DOCK5: variants seen among roughly 807,000 people sequenced by gnomAD.
DOCK5 encodes dedicator of cytokinesis protein 5.
DOCK5 carries 142 observed loss-of-function variants against 251.8 expected under a neutral mutation model. That is an observed-to-expected ratio of 0.56 (90% CI 0.49 to 0.65). DOCK5 has a LOEUF of 0.65. DOCK5 is among the 30% of genes least tolerant of loss of function. The probability of loss-of-function intolerance (pLI) is 0.00; values close to 1 mark genes in which losing one functional copy is unlikely to be tolerated. For synonymous variants in DOCK5, 842 were observed against 835.5 expected, an observed-to-expected ratio of 1.01 and a Z score of -0.13; for missense variants, 2,111 against 2,312.3, an observed-to-expected ratio of 0.91 and a Z score of 1.79.
Position 25,382,787 on chromosome 8 carries a change from C to A in DOCK5, c.4131+9C>A. On this transcript the variant is annotated intron_variant, in intron 40 of 51. Coordinates refer to ENST00000276440, the MANE Select transcript of DOCK5 (RefSeq NM_024940.8). ...TTCCTTCTTTCCTACGGGTAAGAAA[C>A]CTGATGGTGGTCTCCCAGGCCATTA... 2 of 1,601,870 alleles carry A rather than the reference C, an allele frequency of 1.2e-6. No homozygotes were observed. Among genetic ancestry groups the A allele is most frequent in the Non-Finnish European group, 1.7e-6 (2 of 1,170,942 alleles).
chr8:25,374,461 T>TA, intron 36 of DOCK5, 103 bp from the exon 37 acceptor site: 1 of 1,091,230 alleles, frequency 9.2e-7, no homozygotes, highest in East Asian at 2.4e-5. Context: ...GACCACTGCA[T>TA]ACTGCAGCCT....
intron 1 of DOCK5, among the ~76,000 whole-genome samples, chr8:25,225,084 A>C (rs537571097): frequency 3.3e-5 from 5 of 152,350 alleles, no homozygotes; most frequent in African/African-American, 1.2e-4. Context: ...AAAACAAAAA[A>C]CAAAAACCAA....
intron 1 of DOCK5, among the ~76,000 whole-genome samples, chr8:25,242,217 G>T (rs570359333): frequency 6.6e-6 from 1 of 152,176 alleles, no homozygotes; most frequent in Non-Finnish European, 1.5e-5. Context: ...AGGTTCCAGG[G>T]ATTTGATGTG....
At chr8:25,337,844 G>A (rs893252489) in intron 22 of DOCK5, among the ~76,000 whole-genome samples, 10 of 151,808 alleles carry the variant, frequency 6.6e-5, no homozygotes, top group African/African-American at 2.4e-4. Context: ...CTCGGCCTCC[G>A]AAAGTGCTGG....
chr8:25,279,371 G>C (rs2709611), intron 5 of DOCK5, among the ~76,000 whole-genome samples: 126,991 of 152,200 alleles, frequency 0.83, 53,216 homozygotes, highest in Middle Eastern at 0.89. Context: ...TTAACATGAT[G>C]AAACTGAGAA....
chr8:25,310,590 T>C lies in DOCK5; in HGVS notation c.1318+58T>C, dbSNP rs554956728. ...CCTCCTGTTCAGCGATTATTTCTTA[T>C]TGGACGGTGGAGGCAACTTGGATCC... On this transcript the variant is annotated intron_variant, in intron 13 of 51. Transcript: ENST00000276440. 1.2e-3 allele frequency: 1,846 copies of C among 1,518,732 alleles called. 43 individuals carry two copies. In the South Asian group the frequency reaches 0.023, roughly 19 times the overall value. 94.1% of individuals were successfully genotyped at this position (1,518,732 alleles called of 1,614,324 possible). A position where few individuals can be genotyped will look rare whatever the true frequency, so the allele number is the denominator to read the frequency against.
chr8:25,363,905 A>G (rs775652262), intron 29 of DOCK5, among the ~76,000 whole-genome samples: 6 of 152,236 alleles, frequency 3.9e-5, no homozygotes, highest in East Asian at 1.9e-4. Flanking sequence ...CCTGGATGTC[A>G]TCTCTTCTTC....
At position 25,225,482 on chromosome 8, in the gene DOCK5, G is replaced by A. The variant is rs199771459; in HGVS notation, c.44-18192G>A. Among the ~76,000 whole-genome samples, 215 of 152,224 alleles carry A rather than the reference G, an allele frequency of 1.4e-3. 2 individuals are homozygous for A. The highest frequency in any genetic ancestry group is 2.3e-3 in the East Asian group (12 of 5,180). On this transcript the variant is annotated intron_variant, in intron 1 of 51. Transcript: ENST00000276440. The stretch of plus-strand genomic sequence containing the variant: ...AGCACTTCGGGAGGCCAAGGCAGGC[G>A]GATCACTAGGTAAAGAGATTGAGAC...
intron 10 of DOCK5, among the ~76,000 whole-genome samples, chr8:25,303,088 A>G (rs1804810867): frequency 6.6e-6 from 1 of 152,224 alleles, no homozygotes; most frequent in African/African-American, 2.4e-5. Flanking sequence ...TTTTACCACA[A>G]TTTTGAAAAT....
rs761161113 is a variant in DOCK5, at chr8:25,408,799, T to C, written c.5266-3T>C. 22 of 1,613,856 alleles carry C rather than the reference T, an allele frequency of 1.4e-5. No individual in the cohort carries two copies. The highest frequency in any genetic ancestry group is 1.8e-5 in the Non-Finnish European group (21 of 1,179,884). ...ATGTTTTGCTTTTTCTCTCTGGTCC[T>C]AGAGCCCAACCAGAAAAGCACAAAG... On this transcript the variant is annotated splice_polypyrimidine_tract_variant and splice_region_variant and intron_variant, in intron 49 of 51. Transcript: ENST00000276440.
chr8:25,220,689 G>A (rs1180345293), intron 1 of DOCK5, among the ~76,000 whole-genome samples: 1 of 152,164 alleles, frequency 6.6e-6, no homozygotes, highest in African/African-American at 2.4e-5. Context: ...TCGGCTCACT[G>A]CAACCTCCGC....
chr8:25,368,316 C>A, intron 32 of DOCK5, 66 bp downstream of exon 32: 1 of 1,431,844 alleles, frequency 7.0e-7, no homozygotes, highest in Non-Finnish European at 9.6e-7. Context: ...ACGATAAAGT[C>A]TTTTTTTTAT....
chr8:25,226,583 A>AT (rs1197597616), intron 1 of DOCK5, among the ~76,000 whole-genome samples: 2 of 146,416 alleles, frequency 1.4e-5, no homozygotes, highest in African/African-American at 5.2e-5. Flanking sequence ...TATTTTTTTA[A>AT]TTTTAAGTTT....
chr8:25,382,524 A>G (rs1459752956), intron 39 of DOCK5, 150 bp from the exon 40 acceptor site: 5 of 635,688 alleles, frequency 7.9e-6, no homozygotes, highest in African/African-American at 1.9e-5. Context: ...ATCCGAGAAT[A>G]GGATAACCCT....
At chr8:25,401,330 G>A (rs1201937968) in intron 47 of DOCK5, among the ~76,000 whole-genome samples, 1 of 152,174 alleles carries the variant, frequency 6.6e-6, no homozygotes, top group East Asian at 1.9e-4. Context: ...TAACCCTGGA[G>A]TTTATGATTC....
intron 25 of DOCK5, among the ~76,000 whole-genome samples, chr8:25,344,188 A>C (rs1352041193): frequency 6.6e-6 from 1 of 152,194 alleles, no homozygotes; most frequent in African/African-American, 2.4e-5. Flanking sequence ...CATGGAGGGG[A>C]AAAACTCTTA....
In DOCK5 at chr8:25,389,201, TG is replaced by T. The variant is rs1801214450; in HGVS notation, c.4246del (p.Glu1416LysfsTer16). 1 of 1,613,880 alleles carries T rather than the reference TG, an allele frequency of 6.2e-7. No individual in the cohort carries two copies. Among genetic ancestry groups the T allele is most frequent in the Non-Finnish European group, 8.5e-7 (1 of 1,179,884 alleles). On this transcript the variant is annotated frameshift_variant, in exon 41 of 52. Transcript: ENST00000276440. LOFTEE classifies it high-confidence loss of function. Reference sequence around the variant, plus strand: ...AGAAGATGACCAGTACCACGCCTCCTGGGGAAGACATCAAGTCGTCCCCCAA... The same window carrying T: ...AGAAGATGACCAGTACCACGCCTCCTGGGAAGACATCAAGTCGTCCCCCAA... ...AEKMTSTTPP[G>X]EDIKSSPKQY...
rs113506641 is a variant in DOCK5 at position 25,320,330 on chromosome 8, C to G, written c.1543-650C>G. Among the ~76,000 whole-genome samples, 361 of 152,246 alleles carry G rather than the reference C, an allele frequency of 2.4e-3. 1 individual carries two copies. The highest frequency in any genetic ancestry group is 8.2e-3 in the African/African-American group (342 of 41,542). On this transcript the variant is annotated intron_variant, in intron 15 of 51. Coordinates refer to ENST00000276440, the MANE Select transcript of DOCK5 (RefSeq NM_024940.8). ...TCATATATCTCAATTTAGAATTAAC[C>G]ATTTTCAACAGTTTTCTATAGTTCA...
In DOCK5 at chr8:25,388,363, A is replaced by G. The variant is rs1801200427; in HGVS notation, c.4132-728A>G. ...CCAATGGAAACTGCTCATTTCAAAC[A>G]TGGCTATGTTTGCACTTGCCCAGGC... On this transcript the variant is annotated intron_variant, in intron 40 of 51. Transcript: ENST00000276440. 3.3e-5 allele frequency among the ~76,000 whole-genome samples: 5 copies of G among 152,222 alleles called. No homozygotes were observed. The South Asian group carries it at 1.0e-3, about 32-fold the overall frequency.
Sources: gnomAD v4.1 joint callset for allele counts (sites outside exome capture counted in the v4.1 genomes callset) on GRCh38, gnomAD v4.1.1 for gene constraint, MANE v1.5 for transcripts, NCBI Gene and HGNC (gene_info 2026-07-23, HGNC 2026-07-21) for gene names.